ATP2B2: variants seen among roughly 807,000 people sequenced by gnomAD.
ATP2B2 encodes the protein ATPase plasma membrane Ca2+ transporting 2.
ATP2B2 carries 15 observed loss-of-function variants against 120.0 expected under a neutral mutation model. The observed-to-expected ratio is 0.12, with a 90% CI of 0.08 to 0.19. The LOEUF (loss-of-function observed/expected upper bound fraction) is 0.19, where lower values mean the gene tolerates loss of function less well. ATP2B2 is among the 10% of genes least tolerant of loss of function. The pLI is 1.00. For missense variants in ATP2B2, 1,045 were observed against 1,719.8 expected (o/e 0.61, Z 6.94); for synonymous variants, 694 against 700.3 (o/e 0.99, Z 0.14).
chr3:10,366,731 A>G (rs182578870), intron 12 of ATP2B2, among the ~76,000 whole-genome samples: 3 of 152,284 alleles, frequency 2.0e-5, no homozygotes, highest in Admixed American at 6.5e-5. Flanking sequence ...GGAAAGAGCT[A>G]TTTCCATCTG....
chr3:10,586,644 G>A (rs2068516638), intron 2 of ATP2B2, among the ~76,000 whole-genome samples: 1 of 152,180 alleles, frequency 6.6e-6, no homozygotes, highest in South Asian at 2.1e-4. Context: ...TTAAATGGAT[G>A]TGCATCCTTC....
chr3:10,621,406 G>C (rs1254943347), intron 1 of ATP2B2, among the ~76,000 whole-genome samples: 1 of 152,250 alleles, frequency 6.6e-6, no homozygotes, highest in Non-Finnish European at 1.5e-5. Flanking sequence ...AAAAACACGA[G>C]CCCGACAAGA....
At chr3:10,540,791 C>G (rs191023712) in intron 2 of ATP2B2, among the ~76,000 whole-genome samples, 11 of 151,036 alleles carry the variant, frequency 7.3e-5, no homozygotes, top group Admixed American at 2.0e-4. Context: ...ATGGGTGCAG[C>G]ACAGCAACAT....
Position 10,326,587 on chromosome 3 carries a change from C to A in ATP2B2, c.*2227G>T. The A allele has an allele frequency of 2.5e-6, 1 of 397,972 alleles. No individual in the cohort carries two copies. The allele number at this position is 397,972 out of a possible 1,614,324, so 24.7% of individuals were successfully genotyped here. A position where few individuals can be genotyped will look rare whatever the true frequency, so the allele number is the denominator to read the frequency against. On this transcript the variant is annotated 3_prime_UTR_variant, in exon 23 of 23. Coordinates refer to ENST00000360273, the MANE Select transcript of ATP2B2 (RefSeq NM_001001331.4). ...CATGTTTTACACGTGCAGATCTTTC[C>A]TTCCTTGTAGGAGAGCAGTGGGCTG...
intron 10 of ATP2B2, among the ~76,000 whole-genome samples, chr3:10,377,270 C>T (rs972310821): frequency 6.6e-6 from 1 of 152,194 alleles, no homozygotes. Flanking sequence ...TCTCCACCCC[C>T]ACCTCCAGCT....
At chr3:10,668,895 T>C (rs2071019963) in intron 1 of ATP2B2, among the ~76,000 whole-genome samples, 1 of 152,182 alleles carries the variant, frequency 6.6e-6, no homozygotes, top group Non-Finnish European at 1.5e-5. Context: ...GCTCAGTGGA[T>C]CATGCACAAT....
chr3:10,647,250 G>T (rs951851597), intron 1 of ATP2B2, among the ~76,000 whole-genome samples: 2 of 152,174 alleles, frequency 1.3e-5, no homozygotes, highest in Non-Finnish European at 2.9e-5. Context: ...CAATAAGGAA[G>T]GAGAGGAGAT....
At position 10,376,244 on chromosome 3, in the gene ATP2B2, G is replaced by A. The variant is rs748784767; in HGVS notation, c.1202-600C>T. Among the ~76,000 whole-genome samples the A allele has an allele frequency of 2.6e-5, 4 of 152,136 alleles. No homozygotes were observed. In the South Asian group the frequency reaches 8.3e-4, roughly 32 times the overall value. On this transcript the variant is annotated intron_variant, in intron 10 of 22. Transcript: ENST00000360273. Reference sequence around the variant, plus strand: ...CATGAACAAGACAGTTTCAGATATGGTGACACATTGTGAAGAAAAAGGCCA... The same window carrying A: ...CATGAACAAGACAGTTTCAGATATGATGACACATTGTGAAGAAAAAGGCCA...
chr3:10,363,806 GA>G (rs879431670), intron 12 of ATP2B2, among the ~76,000 whole-genome samples: 3 of 152,044 alleles, frequency 2.0e-5, no homozygotes, highest in Non-Finnish European at 2.9e-5. Context: ...AGCCACTATG[GA>G]AAACAGTATG....
chr3:10,516,708 G>A (rs945070682), intron 3 of ATP2B2, among the ~76,000 whole-genome samples: 2 of 152,294 alleles, frequency 1.3e-5, no homozygotes, highest in African/African-American at 2.4e-5. Flanking sequence ...TCAACTTTTC[G>A]GAGATTCAGT....
chr3:10,583,861 A>G (rs144735462), intron 2 of ATP2B2, among the ~76,000 whole-genome samples: 2 of 152,340 alleles, frequency 1.3e-5, no homozygotes, highest in Non-Finnish European at 2.9e-5. Flanking sequence ...GGAGAGAGTT[A>G]CATGGGACAC....
chr3:10,395,345 T>C (rs1467157121), intron 5 of ATP2B2, among the ~76,000 whole-genome samples: 2 of 152,146 alleles, frequency 1.3e-5, no homozygotes, highest in Non-Finnish European at 2.9e-5. Context: ...GCAGGCACAA[T>C]TGGCAGAATG....
At position 10,329,024 on chromosome 3, in the gene ATP2B2, C is replaced by T. The variant is rs556385307; in HGVS notation, c.3522G>A (p.Arg1174=). Reference sequence around the variant, plus strand: ...GGATGTGGGGCTGGGAATCTTCGATCCGGAATTCAGGATGAGCCATGAAGT... The same window carrying T: ...GGATGTGGGGCTGGGAATCTTCGATTCGGAATTCAGGATGAGCCATGAAGT... ...IHNFMAHPEF[R]IEDSQPHIPL... The change falls in exon 23 of 23, where the codon CGG becomes CGA. Residue 1174 remains arginine, a synonymous_variant. Coordinates refer to ENST00000360273, the MANE Select transcript of ATP2B2 (RefSeq NM_001001331.4). The surrounding 1 kb of genome is among the most constrained non-coding windows in gnomAD (Gnocchi z 5.9). The T allele has an allele frequency of 6.2e-6, 10 of 1,613,930 alleles. No homozygotes were observed. In the African/African-American group the frequency reaches 1.2e-4, roughly 19 times the overall value.
rs539918799 is a variant in ATP2B2 at position 10,556,845 on chromosome 3, C to T, written c.-414-22712G>A. Among the ~76,000 whole-genome samples the T allele has an allele frequency of 8.5e-5, 13 of 152,338 alleles. No individual in the cohort carries two copies. In the South Asian group the frequency reaches 2.7e-3, roughly 32 times the overall value. ...ATATCTTGTCACTGAATTCTTACAG[C>T]AACCCTCTGGGGTGGGTACAATTGT... On this transcript the variant is annotated intron_variant, in intron 2 of 21. Coordinates refer to the ATP2B2 transcript ENST00000646379.
At chr3:10,520,466 T>C (rs2066962013) in intron 3 of ATP2B2, among the ~76,000 whole-genome samples, 1 of 152,150 alleles carries the variant, frequency 6.6e-6, no homozygotes, top group Non-Finnish European at 1.5e-5. Flanking sequence ...TATAAAAATA[T>C]TCTTTTACTT....
upstream of ATP2B2, among the ~76,000 whole-genome samples, chr3:10,509,814 C>T (rs2066724251): frequency 6.6e-6 from 1 of 152,232 alleles, no homozygotes. Context: ...CGAGTGGAGG[C>T]TTTGTGGCCA....
intron 2 of ATP2B2, among the ~76,000 whole-genome samples, chr3:10,619,582 A>C (rs2069490084): frequency 1.3e-5 from 2 of 152,208 alleles, no homozygotes; most frequent in African/African-American, 4.8e-5. Flanking sequence ...TATCACACCA[A>C]GGTAAAGTGG....
intron 2 of ATP2B2, among the ~76,000 whole-genome samples, chr3:10,415,543 A>G (rs1461854510): frequency 6.6e-6 from 1 of 152,104 alleles, no homozygotes; most frequent in East Asian, 1.9e-4. Flanking sequence ...ATCCAAAGAC[A>G]GGGGTTTTGA....
At chr3:10,707,557 G>C (rs1337308451) in intron 1 of ATP2B2, among the ~76,000 whole-genome samples, 1 of 152,200 alleles carries the variant, frequency 6.6e-6, no homozygotes, top group Non-Finnish European at 1.5e-5. Flanking sequence ...AGAAGAAATA[G>C]GGGGTTCTAG....
Sources: gnomAD v4.1 joint callset for allele counts (sites outside exome capture counted in the v4.1 genomes callset) on GRCh38, gnomAD v4.1.1 for gene constraint, Gnocchi (gnomAD v3.1) non-coding constraint, MANE v1.5 for transcripts, NCBI Gene and HGNC (gene_info 2026-07-23, HGNC 2026-07-21) for gene names.